Variants in NTRK3 observed in about 807,000 individuals in gnomAD.
NTRK3 encodes the protein neurotrophic receptor tyrosine kinase 3.
Under a neutral mutation model 91.7 loss-of-function variants are expected in NTRK3, and 24 were observed. The observed-to-expected ratio is 0.26, with a 90% CI of 0.19 to 0.37. The LOEUF (loss-of-function observed/expected upper bound fraction) is 0.37. Among genes scored for constraint, NTRK3 ranks in the 10% least tolerant of loss-of-function variants. The pLI, the probability that NTRK3 is intolerant of heterozygous loss-of-function variation, is 1.00. For synonymous variants in NTRK3, 483 were observed against 404.0 expected, an observed-to-expected ratio of 1.20 and a Z score of -2.34; for missense variants, 880 against 1,068.9, an observed-to-expected ratio of 0.82 and a Z score of 2.46.
intron 3 of NTRK3, among the ~76,000 whole-genome samples, chr15:88,223,574 C>G (rs1458020096): frequency 6.6e-6 from 1 of 152,228 alleles, no homozygotes; most frequent in Non-Finnish European, 1.5e-5. Flanking sequence ...AAGGAGGCAG[C>G]ATTCACATGT....
At chr15:87,976,678 T>G (rs2073746018) in intron 14 of NTRK3, among the ~76,000 whole-genome samples, 1 of 152,200 alleles carries the variant, frequency 6.6e-6, no homozygotes, top group Admixed American at 6.5e-5. Flanking sequence ...TCTAAGCATT[T>G]TACTCTTTGG....
intron 3 of NTRK3, among the ~76,000 whole-genome samples, chr15:88,188,996 T>C (rs2047169438): frequency 6.6e-6 from 1 of 152,214 alleles, no homozygotes; most frequent in Non-Finnish European, 1.5e-5. Flanking sequence ...ACAGAGCCAC[T>C]ACTCTGCCAA....
intron 17 of NTRK3, among the ~76,000 whole-genome samples, chr15:87,923,853 A>G (rs1477163078): frequency 6.6e-6 from 1 of 152,072 alleles, no homozygotes; most frequent in African/African-American, 2.4e-5. Context: ...GTTTACTATA[A>G]AAGCAAGTTT....
intron 3 of NTRK3, among the ~76,000 whole-genome samples, chr15:88,249,093 C>T (rs1156673494): frequency 2.0e-5 from 3 of 152,104 alleles, no homozygotes; most frequent in Non-Finnish European, 4.4e-5. Context: ...CTTGATGATG[C>T]GTGTCTGGGG....
At chr15:88,052,031 GC>G (rs2080876306) in intron 13 of NTRK3, among the ~76,000 whole-genome samples, 1 of 152,180 alleles carries the variant, frequency 6.6e-6, no homozygotes, top group South Asian at 2.1e-4. Flanking sequence ...ATGGACTTTA[GC>G]CTGATTCTTC....
chr15:87,921,321 A>G (rs765755934), intron 17 of NTRK3, among the ~76,000 whole-genome samples: 2 of 152,214 alleles, frequency 1.3e-5, no homozygotes, highest in African/African-American at 4.8e-5. Context: ...CCTGACAGCC[A>G]GCATCACTTC....
Position 87,898,622 on chromosome 15 carries a change from C to T in NTRK3, c.2134-18194G>A, listed in dbSNP as rs570422846. On this transcript the variant is annotated intron_variant, in intron 17 of 18. Coordinates refer to ENST00000394480, the Ensembl canonical transcript of NTRK3. ...TGGGCTCACTGAGTCATCCTTTAAGCGACATTAATAATATCTCTTATTGAT... is the reference window on the plus strand; with the variant it reads ...TGGGCTCACTGAGTCATCCTTTAAGTGACATTAATAATATCTCTTATTGAT... Among the ~76,000 whole-genome samples, 6 of 152,076 alleles carry T rather than the reference C, an allele frequency of 3.9e-5. No individual in the cohort carries two copies. In the East Asian group the frequency reaches 5.8e-4, roughly 15 times the overall value.
At chr15:87,914,491 G>C (rs1210772994) in intron 17 of NTRK3, among the ~76,000 whole-genome samples, 5 of 152,228 alleles carry the variant, frequency 3.3e-5, no homozygotes, top group Admixed American at 1.3e-4. Flanking sequence ...ATTTAGGCAA[G>C]TGGGGACATT....
intron 13 of NTRK3, among the ~76,000 whole-genome samples, chr15:88,042,786 T>A (rs1380654877): frequency 1.3e-5 from 2 of 152,076 alleles, no homozygotes; most frequent in Non-Finnish European, 2.9e-5. Context: ...GATCCTCTTA[T>A]CCCCAGTGAT....
rs139318067 is a variant in NTRK3 at position 88,192,007 on chromosome 15, C to T, written c.249-7708G>A. The stretch of plus-strand genomic sequence containing the variant: ...GCACACAAGCCTACAAGCAGCTGTG[C>T]GCCAAGGACCACGGTGAACCAGCCC... On this transcript the variant is annotated intron_variant, in intron 3 of 18. Coordinates refer to ENST00000394480, the Ensembl canonical transcript of NTRK3. Among the ~76,000 whole-genome samples the T allele has an allele frequency of 1.9e-3, 285 of 152,346 alleles. 1 individual carries two copies. Among genetic ancestry groups the T allele is most frequent in the Non-Finnish European group, 3.1e-3 (208 of 68,030 alleles).
chr15:87,864,063 C>T (rs901933721), exon 19 of NTRK3: 2 of 232,108 alleles, frequency 8.6e-6, no homozygotes, highest in Non-Finnish European at 1.7e-5. Context: ...TAACATGAAT[C>T]TTCCCCCAAC....
intron 3 of NTRK3, chr15:88,252,606 G>T (rs533097024): frequency 6.6e-6 from 1 of 152,376 alleles, no homozygotes; most frequent in Non-Finnish European, 1.5e-5. Context: ...CCCCAGGTAG[G>T]CCTGGCCTAG....
intron 13 of NTRK3, among the ~76,000 whole-genome samples, chr15:88,038,980 G>A (rs901022117): frequency 1.3e-5 from 2 of 152,270 alleles, no homozygotes; most frequent in Middle Eastern, 3.4e-3. Flanking sequence ...TGAAGAATTT[G>A]TTAAGATAGT....
intron 13 of NTRK3, among the ~76,000 whole-genome samples, chr15:88,041,758 A>G (rs2079637080): frequency 7.0e-6 from 1 of 142,122 alleles, no homozygotes; most frequent in South Asian, 2.3e-4. Flanking sequence ...TGGTACTTTA[A>G]TTTCTTCATT....
chr15:87,918,326 G>A (rs2067607446), intron 17 of NTRK3, among the ~76,000 whole-genome samples: 1 of 152,168 alleles, frequency 6.6e-6, no homozygotes, highest in Non-Finnish European at 1.5e-5. Flanking sequence ...GACTACCTAA[G>A]CCAAAATAGT....
intron 17 of NTRK3, among the ~76,000 whole-genome samples, chr15:87,901,579 G>C (rs1019812081): frequency 6.6e-6 from 1 of 152,244 alleles, no homozygotes; most frequent in Non-Finnish European, 1.5e-5. Context: ...GTTGGGCTAA[G>C]TTCTTGTCCC....
chr15:88,082,242 C>T (rs911549930), intron 13 of NTRK3, among the ~76,000 whole-genome samples: 2 of 149,390 alleles, frequency 1.3e-5, no homozygotes, highest in African/African-American at 2.5e-5. Context: ...CGTGCCACTG[C>T]ACTCCAGCCT....
chr15:88,168,793 G>C (rs1275549844), intron 5 of NTRK3, among the ~76,000 whole-genome samples: 1 of 152,220 alleles, frequency 6.6e-6, no homozygotes, highest in Non-Finnish European at 1.5e-5. Flanking sequence ...CTGCTCCTGA[G>C]AGGCACCAGC....
intron 13 of NTRK3, among the ~76,000 whole-genome samples, chr15:88,056,898 C>T (rs575275934): frequency 2.2e-4 from 34 of 152,144 alleles, no homozygotes; most frequent in Non-Finnish European, 3.7e-4. Context: ...CGGCCGGGCG[C>T]GGTGGCTCAC....
Sources: gnomAD v4.1 joint callset for allele counts (sites outside exome capture counted in the v4.1 genomes callset) on GRCh38, gnomAD v4.1.1 for gene constraint, MANE v1.5 for transcripts, NCBI Gene and HGNC (gene_info 2026-07-23, HGNC 2026-07-21) for gene names.